The following AUTS2 variants were observed in gnomAD, a reference collection of about 807,000 sequenced individuals.
The protein encoded by AUTS2 is activator of transcription and developmental regulator AUTS2.
AUTS2 carries 17 observed loss-of-function variants against 112.4 expected under a neutral mutation model. That is an observed-to-expected ratio of 0.15 (90% CI 0.10 to 0.23). The LOEUF (loss-of-function observed/expected upper bound fraction) is 0.23, where lower values mean the gene tolerates loss of function less well. Among genes scored for constraint, AUTS2 ranks in the 10% least tolerant of loss-of-function variants. The pLI is 1.00. For synonymous variants in AUTS2, 751 were observed against 702.7 expected (o/e 1.07, Z -1.09); for missense variants, 1,510 against 1,701.6 (o/e 0.89, Z 1.98).
intron 5 of AUTS2, among the ~76,000 whole-genome samples, chr7:70,689,134 A>G (rs1270955265): frequency 6.6e-6 from 1 of 152,118 alleles, no homozygotes; most frequent in African/African-American, 2.4e-5. Context: ...AGGCAGGAGG[A>G]TCACTTGAGG....
chr7:70,218,623 A>G (rs890185997), intron 4 of AUTS2, among the ~76,000 whole-genome samples: 1 of 152,158 alleles, frequency 6.6e-6, no homozygotes, highest in Non-Finnish European at 1.5e-5. Flanking sequence ...TAATTACAAC[A>G]TTATATGACC....
intron 5 of AUTS2, among the ~76,000 whole-genome samples, chr7:70,460,850 GC>G (rs1255815026): frequency 1.3e-5 from 2 of 152,152 alleles, no homozygotes; most frequent in African/African-American, 4.8e-5. Flanking sequence ...CCTGCATGGT[GC>G]CTTGCTGGTG....
chr7:69,854,304 T>C (rs776173289), intron 1 of AUTS2, among the ~76,000 whole-genome samples: 2 of 152,156 alleles, frequency 1.3e-5, no homozygotes, highest in African/African-American at 2.4e-5. Context: ...GTCACTTAGC[T>C]AGGGAGTGTT....
intron 1 of AUTS2, among the ~76,000 whole-genome samples, chr7:69,617,766 A>G (rs529450174): frequency 1.3e-5 from 2 of 152,314 alleles, no homozygotes; most frequent in East Asian, 3.9e-4. Flanking sequence ...CTTAGGAGAC[A>G]TGGGGCATCT....
chr7:69,886,763 TTGTGTGTGTGTGTG>T (rs3220664), intron 1 of AUTS2, among the ~76,000 whole-genome samples: 63 of 129,870 alleles, frequency 4.9e-4, no homozygotes, highest in South Asian at 3.1e-3. Flanking sequence ...TTTGACTTCT[TTGTGTGTGTGTGTG>T]TGTGTGTGTG....
chr7:70,244,774 C>G (rs568677862), intron 4 of AUTS2, among the ~76,000 whole-genome samples: 37 of 152,212 alleles, frequency 2.4e-4, no homozygotes, highest in African/African-American at 8.9e-4. Flanking sequence ...GGTGCTTGAT[C>G]CTTTTCTTTG....
At chr7:70,469,527 C>T (rs1188775029) in intron 5 of AUTS2, among the ~76,000 whole-genome samples, 13 of 152,204 alleles carry the variant, frequency 8.5e-5, no homozygotes, top group Admixed American at 2.6e-4. Flanking sequence ...CAGAGCACAG[C>T]TTGTCCTTGC....
chr7:70,129,914 TG>T (rs1806184683), intron 3 of AUTS2, among the ~76,000 whole-genome samples: 1 of 151,964 alleles, frequency 6.6e-6, no homozygotes, highest in African/African-American at 2.4e-5. Flanking sequence ...TGTGTGTGTG[TG>T]TGTGTGTGTG....
chr7:70,208,187 T>C (rs1810674920), intron 4 of AUTS2, among the ~76,000 whole-genome samples: 1 of 152,188 alleles, frequency 6.6e-6, no homozygotes, highest in Admixed American at 6.5e-5. Flanking sequence ...TTAATATCAT[T>C]AATTGGCTTA....
intron 1 of AUTS2, among the ~76,000 whole-genome samples, chr7:69,882,017 G>T (rs1433710244): frequency 6.6e-6 from 1 of 151,712 alleles, no homozygotes; most frequent in Non-Finnish European, 1.5e-5. Flanking sequence ...GGGAGTGGTG[G>T]TGCACGCCTG....
At chr7:69,785,107 G>C (rs1454542065) in intron 1 of AUTS2, among the ~76,000 whole-genome samples, 1 of 152,132 alleles carries the variant, frequency 6.6e-6, no homozygotes, top group Admixed American at 6.5e-5. Flanking sequence ...CCTTATAAAT[G>C]ACTATACAAT....
At chr7:70,547,485 C>T (rs1800837006) in intron 5 of AUTS2, among the ~76,000 whole-genome samples, 1 of 152,142 alleles carries the variant, frequency 6.6e-6, no homozygotes. Flanking sequence ...GATCTCTCCA[C>T]CTCGTGATCT....
At chr7:70,757,921 A>G (rs971721390) in intron 6 of AUTS2, among the ~76,000 whole-genome samples, 3 of 143,940 alleles carry the variant, frequency 2.1e-5, no homozygotes, top group Non-Finnish European at 4.5e-5. Context: ...AGCTGGGATC[A>G]CAGGCAGACA....
At chr7:70,770,652 C>T (rs1233710953) in intron 10 of AUTS2, among the ~76,000 whole-genome samples, 1 of 152,188 alleles carries the variant, frequency 6.6e-6, no homozygotes, top group Non-Finnish European at 1.5e-5. Flanking sequence ...TCATAGTCTT[C>T]ATTCAGAATC....
chr7:70,282,354 C>CA (rs1788259699), intron 4 of AUTS2, among the ~76,000 whole-genome samples: 2 of 151,990 alleles, frequency 1.3e-5, no homozygotes, highest in African/African-American at 4.8e-5. Flanking sequence ...AACAAAATAC[C>CA]AAAAACTAGG....
chr7:70,226,887 T>C (rs919359909), intron 4 of AUTS2, among the ~76,000 whole-genome samples: 11 of 152,158 alleles, frequency 7.2e-5, no homozygotes, highest in Non-Finnish European at 1.3e-4. Context: ...TGAAATGAAT[T>C]TGAGTTGTAC....
chr7:70,541,120 C>T (rs1800536856), intron 5 of AUTS2, among the ~76,000 whole-genome samples: 1 of 152,212 alleles, frequency 6.6e-6, no homozygotes, highest in East Asian at 1.9e-4. Context: ...AAAGCAGGTA[C>T]TTATTCCTAG....
At chr7:70,421,958 A>G (rs1795241684) in intron 4 of AUTS2, among the ~76,000 whole-genome samples, 1 of 152,200 alleles carries the variant, frequency 6.6e-6, no homozygotes, top group South Asian at 2.1e-4. Flanking sequence ...TTCCTTGTTT[A>G]TGATATAGAA....
chr7:70,707,298 G>C lies in AUTS2; in HGVS notation c.742+8678G>C, dbSNP rs144992704. On this transcript the variant is annotated intron_variant, in intron 6 of 18. Transcript: ENST00000342771. ...GAGGACTTTCTTTTTGCTAGGTATT[G>C]TTCACTTTATATGTAATTCACTCAT... Among the ~76,000 whole-genome samples the C allele has an allele frequency of 1.0e-3, 153 of 152,318 alleles. 1 individual carries two copies. Among genetic ancestry groups the C allele is most frequent in the East Asian group, 9.6e-4 (5 of 5,186 alleles).
Sources: gnomAD v4.1 joint callset for allele counts (sites outside exome capture counted in the v4.1 genomes callset) on GRCh38, gnomAD v4.1.1 for gene constraint, MANE v1.5 for transcripts, NCBI Gene and HGNC (gene_info 2026-07-23, HGNC 2026-07-21) for gene names.